The following USP18 variants were observed in gnomAD, a reference collection of about 807,000 sequenced individuals.
USP18 encodes ubl carboxyl-terminal hydrolase 18.
Under a neutral mutation model 48.7 loss-of-function variants are expected in USP18, and 11 were observed. The observed-to-expected ratio is 0.23, with a 90% CI of 0.14 to 0.37. The LOEUF (loss-of-function observed/expected upper bound fraction) is 0.37. USP18 is among the 10% of genes least tolerant of loss of function. USP18 has a pLI of 1.00. For synonymous variants in USP18, 114 were observed against 163.2 expected, an observed-to-expected ratio of 0.70 and a Z score of 2.30; for missense variants, 285 against 436.4, an observed-to-expected ratio of 0.65 and a Z score of 3.09.
chr22:18,170,130 A>G (rs906964103), intron 7 of USP18, among the ~76,000 whole-genome samples, 191 bp downstream of exon 7: 4 of 151,212 alleles, frequency 2.6e-5, no homozygotes, highest in Non-Finnish European at 4.4e-5. Flanking sequence ...TTTGATGAGC[A>G]TTTGGTTGCA....
chr22:18,174,853 G>C (rs1186447380), intron 10 of USP18, among the ~76,000 whole-genome samples: 2 of 152,152 alleles, frequency 1.3e-5, no homozygotes, highest in Non-Finnish European at 2.9e-5. Flanking sequence ...ATTTCAGCCT[G>C]CCAAAGTGCT....
At chr22:18,166,577 G>T (rs1229491776) in intron 4 of USP18, among the ~76,000 whole-genome samples, 1 of 151,230 alleles carries the variant, frequency 6.6e-6, no homozygotes, top group Non-Finnish European at 1.5e-5. Flanking sequence ...CCCACAGCAG[G>T]GTTTGTTGTT....
chr22:18,152,603 T>C (rs1929028479), intron 1 of USP18, among the ~76,000 whole-genome samples: 1 of 152,012 alleles, frequency 6.6e-6, no homozygotes, highest in Non-Finnish European at 1.5e-5. Context: ...GCAGTTGAGT[T>C]TGAAAATCCC....
chr22:18,161,198 A>G (rs1214685166), intron 3 of USP18, among the ~76,000 whole-genome samples: 2 of 150,548 alleles, frequency 1.3e-5, no homozygotes, highest in Non-Finnish European at 3.0e-5. Context: ...GTCAGTGGGG[A>G]GTACACACCC....
At chr22:18,159,569 C>T (rs1457271454) in intron 2 of USP18, among the ~76,000 whole-genome samples, 1 of 151,032 alleles carries the variant, frequency 6.6e-6, no homozygotes, top group Non-Finnish European at 1.5e-5. Flanking sequence ...ATGATCTTGG[C>T]TCACTGCAAC....
rs774673055 is a variant in USP18, at chr22:18,169,850, G to A, written c.634G>A (p.Ala212Thr). 32 of 1,592,800 alleles carry A rather than the reference G, an allele frequency of 2.0e-5. No homozygotes were observed. Among genetic ancestry groups the A allele is most frequent in the South Asian group, 3.4e-5 (3 of 87,442 alleles). ...DSKPLKTLED[A>T]LHCFFQPREL... Reference sequence around the variant, plus strand: ...GTTCTCTTGGGTGGGACAGGAGGACGCCCTGCACTGCTTCTTCCAGCCCAG... The same window carrying A: ...GTTCTCTTGGGTGGGACAGGAGGACACCCTGCACTGCTTCTTCCAGCCCAG... The change falls in exon 7 of 11, where the codon GCC (alanine) becomes ACC (threonine). Residue 212 changes from alanine to threonine, a missense_variant. Transcript: ENST00000215794.
chr22:18,166,601 C>T (rs71312085), intron 4 of USP18, among the ~76,000 whole-genome samples: 60,797 of 151,304 alleles, frequency 0.4, 13,235 homozygotes, highest in African/African-American at 0.58. Context: ...GCTGTTTTAT[C>T]GTTTCTGGGC....
At chr22:18,165,521 T>A (rs1042742117) in intron 4 of USP18, among the ~76,000 whole-genome samples, 2 of 110,524 alleles carry the variant, frequency 1.8e-5, no homozygotes, top group Admixed American at 2.1e-4. Context: ...CGGCCGTGTT[T>A]CCTGTTTCCT....
chr22:18,155,650 A>G (rs1929112085), intron 1 of USP18, among the ~76,000 whole-genome samples: 1 of 152,172 alleles, frequency 6.6e-6, no homozygotes, highest in Admixed American at 6.5e-5. Flanking sequence ...AGCCCCAGGC[A>G]GTAAGGGGCT....
intron 1 of USP18, among the ~76,000 whole-genome samples, chr22:18,153,289 C>T (rs62229506): frequency 0.08 from 12,162 of 152,112 alleles, 609 homozygotes; most frequent in Non-Finnish European, 0.11. Flanking sequence ...ATTAGCCATG[C>T]GTGGTGGCAC....
At chr22:18,172,379 T>C (rs1335622052) in intron 8 of USP18, among the ~76,000 whole-genome samples, 1 of 152,214 alleles carries the variant, frequency 6.6e-6, no homozygotes, top group Non-Finnish European at 1.5e-5. Flanking sequence ...TGCAATTCCT[T>C]AATAGCATCA....
chr22:18,156,377 C>T (rs903748015), intron 1 of USP18, among the ~76,000 whole-genome samples: 2 of 152,216 alleles, frequency 1.3e-5, no homozygotes, highest in African/African-American at 2.4e-5. Context: ...GGTTTCCTTC[C>T]ATGCTGTGGA....
At chr22:18,159,109 G>T (rs1389255201) in intron 2 of USP18, among the ~76,000 whole-genome samples, 1 of 152,184 alleles carries the variant, frequency 6.6e-6, no homozygotes, top group Non-Finnish European at 1.5e-5. Context: ...AGGCTGGAGT[G>T]CAGTGGCACG....
chr22:18,154,209 C>G (rs1329842018), intron 1 of USP18, among the ~76,000 whole-genome samples: 4 of 151,952 alleles, frequency 2.6e-5, no homozygotes, highest in African/African-American at 4.8e-5. Context: ...ATTCCTCACT[C>G]TGAGCAGCAT....
intron 9 of USP18, 124 bp from the exon 10 acceptor site, chr22:18,173,669 C>T: frequency 2.2e-6 from 3 of 1,387,584 alleles, no homozygotes; most frequent in South Asian, 1.3e-5. Flanking sequence ...TGCTGTTGCT[C>T]CAGGCTCTTG....
At chr22:18,151,896 T>TA (rs1278210172) in intron 1 of USP18, among the ~76,000 whole-genome samples, 2 of 151,770 alleles carry the variant, frequency 1.3e-5, no homozygotes. Flanking sequence ...CTACTAAAAA[T>TA]AAAAAATATT....
chr22:18,173,744 G>C, intron 9 of USP18, 49 bp from the exon 10 acceptor site: 4 of 1,604,562 alleles, frequency 2.5e-6, no homozygotes, highest in Admixed American at 1.7e-5. Flanking sequence ...GTCCTCTGTG[G>C]GTGCTTGTGT....
At chr22:18,170,083 C>T in intron 7 of USP18, 144 bp downstream of exon 7, 2 of 768,088 alleles carry the variant, frequency 2.6e-6, no homozygotes, top group Non-Finnish European at 4.4e-6. Flanking sequence ...AAAGTCAGTC[C>T]CTCATCTATG....
intron 7 of USP18, among the ~76,000 whole-genome samples, chr22:18,170,509 G>A (rs550916224): frequency 6.6e-6 from 1 of 152,200 alleles, no homozygotes; most frequent in South Asian, 2.1e-4. Context: ...TGGCTCCCTG[G>A]GTCCTGGTAC....
Sources: allele counts gnomAD v4.1 joint callset (sites outside exome capture counted in the v4.1 genomes callset), GRCh38; gene constraint gnomAD v4.1.1; transcripts MANE v1.5; gene names NCBI Gene and HGNC (gene_info 2026-07-23, HGNC 2026-07-21).